The following SLC44A3 variants were observed in gnomAD, a reference collection of about 807,000 sequenced individuals.
SLC44A3 encodes the protein solute carrier family 44 member 3.
SLC44A3 carries 74 observed loss-of-function variants against 75.4 expected under a neutral mutation model. The ratio of observed to expected loss-of-function variants is 0.98; its 90% confidence interval spans 0.81 to 1.19. The LOEUF (loss-of-function observed/expected upper bound fraction) is 1.19, where lower values mean the gene tolerates loss of function less well. SLC44A3 is among the 50% of genes most tolerant of loss of function. The probability of loss-of-function intolerance (pLI) is 0.00; values close to 1 mark genes in which losing one functional copy is unlikely to be tolerated. For synonymous variants in SLC44A3, 310 were observed against 296.9 expected, an observed-to-expected ratio of 1.04 and a Z score of -0.45; for missense variants, 700 against 778.6, an observed-to-expected ratio of 0.90 and a Z score of 1.20.
At chr1:94,863,995 G>T (rs972244871) in intron 10 of SLC44A3, among the ~76,000 whole-genome samples, 1 of 152,198 alleles carries the variant, frequency 6.6e-6, no homozygotes, top group Non-Finnish European at 1.5e-5. Flanking sequence ...TGGCTTCAGC[G>T]GGAATTCAAA....
At chr1:94,825,234 C>T (rs1661150593) in intron 3 of SLC44A3, among the ~76,000 whole-genome samples, 1 of 152,168 alleles carries the variant, frequency 6.6e-6, no homozygotes, top group Admixed American at 6.5e-5. Flanking sequence ...GAGAGAAATC[C>T]CTGACCATGA....
chr1:94,859,467 G>A (rs1044084591), intron 10 of SLC44A3, among the ~76,000 whole-genome samples: 3 of 152,204 alleles, frequency 2.0e-5, no homozygotes, highest in South Asian at 2.1e-4. Flanking sequence ...AGCAGAAGCA[G>A]CCTGTCCGTG....
At chr1:94,868,393 A>G (rs1327311880) in intron 12 of SLC44A3, among the ~76,000 whole-genome samples, 1 of 152,176 alleles carries the variant, frequency 6.6e-6, no homozygotes, top group African/African-American at 2.4e-5. Context: ...ACTTTTCATT[A>G]TTCAGGGAAA....
At chr1:94,882,326 T>C (rs962722355) in intron 12 of SLC44A3, among the ~76,000 whole-genome samples, 8 of 152,024 alleles carry the variant, frequency 5.3e-5, no homozygotes, top group Non-Finnish European at 1.0e-4. Context: ...AGGATAAGTG[T>C]AAAGAGGAGG....
intron 9 of SLC44A3, among the ~76,000 whole-genome samples, chr1:94,849,105 G>A (rs1246226863): frequency 4.6e-5 from 7 of 152,274 alleles, no homozygotes; most frequent in African/African-American, 1.7e-4. Flanking sequence ...CCAGGGCTTA[G>A]TAGCCTCCAC....
At chr1:94,873,575 T>TTCTAAGCC (rs1417050255) in intron 12 of SLC44A3, among the ~76,000 whole-genome samples, 1 of 152,210 alleles carries the variant, frequency 6.6e-6, no homozygotes, top group Non-Finnish European at 1.5e-5. Flanking sequence ...GGTCTCTGTC[T>TTCTAAGCC]TCTAAGCCTT....
chr1:94,836,695 C>T (rs529613219), intron 5 of SLC44A3: 78 of 152,138 alleles, frequency 5.1e-4, no homozygotes, highest in African/African-American at 1.8e-3. Context: ...GCAGGTGGAT[C>T]GCTTGAGCTC....
At chr1:94,872,985 C>G (rs1667926728) in intron 12 of SLC44A3, among the ~76,000 whole-genome samples, 2 of 152,160 alleles carry the variant, frequency 1.3e-5, no homozygotes. Flanking sequence ...GTAGAGTTGT[C>G]TGAGAATGTG....
At chr1:94,837,956 G>A in intron 6 of SLC44A3, 85 bp downstream of exon 6, 1 of 1,220,052 alleles carries the variant, frequency 8.2e-7, no homozygotes, top group Non-Finnish European at 1.1e-6. Context: ...ATGAAAATTA[G>A]CCTCTTGTTT....
chr1:94,826,173 T>A (rs186643992), intron 3 of SLC44A3, among the ~76,000 whole-genome samples: 1 of 152,100 alleles, frequency 6.6e-6, no homozygotes, highest in East Asian at 1.9e-4. Context: ...ACATGAGATA[T>A]GTAAAGTAGT....
At position 94,875,211 on chromosome 1, in the gene SLC44A3, C is replaced by T. The variant is rs138712245; in HGVS notation, c.1482+7794C>T. Among the ~76,000 whole-genome samples the T allele has an allele frequency of 1.5e-4, 23 of 152,298 alleles. No individual in the cohort carries two copies. In the East Asian group the frequency reaches 4.4e-3, roughly 29 times the overall value. On this transcript the variant is annotated intron_variant, in intron 12 of 14. Transcript: ENST00000271227. ...CCCAGTCCCTTAAGTTCACCTCCTT[C>T]CCTGAAACAAATGAGAGGCATTAGC...
intron 3 of SLC44A3, 116 bp downstream of exon 3, chr1:94,824,751 TA>T: frequency 7.8e-7 from 1 of 1,277,852 alleles, no homozygotes; most frequent in Non-Finnish European, 1.1e-6. Flanking sequence ...GCCTATTTTA[TA>T]AAAAGGAAGG....
chr1:94,862,732 C>G (rs1666721259), intron 10 of SLC44A3, among the ~76,000 whole-genome samples: 1 of 152,138 alleles, frequency 6.6e-6, no homozygotes, highest in South Asian at 2.1e-4. Context: ...GTGGGAAGAT[C>G]TAGAGAGAGA....
intron 5 of SLC44A3, among the ~76,000 whole-genome samples, chr1:94,833,871 G>A (rs1295889792): frequency 1.3e-5 from 2 of 152,130 alleles, no homozygotes. Context: ...AAATCAAGAT[G>A]TCAGGATCTT....
Position 94,867,334 on chromosome 1 carries a change from C to A in SLC44A3, c.1399C>A (p.His467Asn). The change falls in exon 12 of 15, where the codon CAT (histidine) becomes AAT (asparagine). Residue 467 changes from histidine to asparagine, a missense_variant. His to Asn is a moderately conservative substitution (Grantham distance 68). Coordinates refer to ENST00000271227, the MANE Select transcript of SLC44A3 (RefSeq NM_001114106.3). ...CTTTGTTCTCAACCTGATCCAGCAG[C>A]ATGGTGCATTGTCCAGGTACCTGTT... Reference protein sequence around the residue: ...YMQNALKEQQHGALSRYLFRC... With the variant: ...YMQNALKEQQNGALSRYLFRC... The A allele has an allele frequency of 6.3e-7, 1 of 1,585,106 alleles. No homozygotes were observed. Among genetic ancestry groups the A allele is most frequent in the South Asian group, 1.1e-5 (1 of 87,054 alleles).
intron 12 of SLC44A3, among the ~76,000 whole-genome samples, chr1:94,869,004 T>C (rs1279820358): frequency 6.6e-6 from 1 of 152,274 alleles, no homozygotes; most frequent in Non-Finnish European, 1.5e-5. Flanking sequence ...ATGCCTATAC[T>C]GCCTGGCCTT....
Position 94,821,049 on chromosome 1 carries a change from C to G in SLC44A3, c.128C>G (p.Thr43Ser). 6.4e-7 allele frequency: 1 copy of G among 1,551,004 alleles called. No homozygotes were observed. The highest frequency in any genetic ancestry group is 1.4e-5 in the African/African-American group (1 of 73,110). ...AWLFLFFLFW[T>S]GLVFIMGYSV... ...TTATTCCTGTTCTTTCTCTTTTGGA[C>G]TGGTTTGGTAAGTGTGGGTGCTTGG... The change falls in exon 2 of 15, where the codon ACT becomes AGT. Residue 43 changes from threonine (T) to serine (S), a missense_variant. Physicochemically the swap from Thr to Ser is moderately conservative, Grantham distance 58. Transcript: ENST00000271227.
rs145516190 is a variant in SLC44A3, at chr1:94,832,128, A to G, written c.509+3542A>G. ...GGTTGCAGTGAGCCAAGACCACGCC[A>G]TTGCACTCCAGCCTGGGTGACAAGA... is the stretch of plus-strand genomic sequence containing the variant. On this transcript the variant is annotated intron_variant, in intron 5 of 14. Transcript: ENST00000271227. 8.9e-3 allele frequency among the ~76,000 whole-genome samples: 1,357 copies of G among 152,222 alleles called. 16 individuals are homozygous for G. Among genetic ancestry groups the G allele is most frequent in the African/African-American group, 0.031 (1,275 of 41,512 alleles).
chr1:94,833,683 G>C (rs1662423693), intron 5 of SLC44A3, among the ~76,000 whole-genome samples: 1 of 152,044 alleles, frequency 6.6e-6, no homozygotes, highest in Non-Finnish European at 1.5e-5. Context: ...GATTCCCTAA[G>C]CTCTCTGAGT....
Sources: gnomAD v4.1 joint callset for allele counts (sites outside exome capture counted in the v4.1 genomes callset) on GRCh38, gnomAD v4.1.1 for gene constraint, MANE v1.5 for transcripts, NCBI Gene and HGNC (gene_info 2026-07-23, HGNC 2026-07-21) for gene names.